Variants in CPED1 observed in about 807,000 individuals in gnomAD.
The protein encoded by CPED1 is cadherin like and PC-esterase domain containing 1.
Under a neutral mutation model 128.2 loss-of-function variants are expected in CPED1, and 114 were observed. The observed-to-expected ratio is 0.89, with a 90% CI of 0.76 to 1.04. CPED1 has a LOEUF of 1.04. CPED1 is among the 50% of genes least tolerant of loss of function. The pLI, the probability that CPED1 is intolerant of heterozygous loss-of-function variation, is 0.00. For missense variants in CPED1, 1,211 were observed against 1,207.1 expected (o/e 1.00, Z -0.05); for synonymous variants, 462 against 426.7 (o/e 1.08, Z -1.02).
intron 7 of CPED1, among the ~76,000 whole-genome samples, chr7:121,118,630 C>T (rs1795311093): frequency 6.6e-6 from 1 of 151,120 alleles, no homozygotes; most frequent in Admixed American, 6.6e-5. Context: ...TTAGGTCATT[C>T]TTGTGTTGCT....
At chr7:120,992,868 G>A (rs1234146941) in intron 2 of CPED1, among the ~76,000 whole-genome samples, 2 of 152,150 alleles carry the variant, frequency 1.3e-5, no homozygotes, top group African/African-American at 2.4e-5. Context: ...TTGATGGTGG[G>A]TGACTTTACC....
Position 120,994,657 on chromosome 7 carries a change from G to GTGTGTGTGTGTGTGTGTGT in CPED1, c.249+4790_249+4791insGTGTGTGTGTGTGTGTTGT, listed in dbSNP as rs148572524. On this transcript the variant is annotated intron_variant, in intron 2 of 22. Coordinates refer to ENST00000310396, the MANE Select transcript of CPED1 (RefSeq NM_024913.5). ...TGTGTGTGTGTGTGTGTGTGTGTGT[G>GTGTGTGTGTGTGTGTGTGT]TGTTGTTGTTGTTGTTACTGATGGA... Among the ~76,000 whole-genome samples, 77 of 149,292 alleles carry GTGTGTGTGTGTGTGTGTGT rather than the reference G, an allele frequency of 5.2e-4. 1 individual carries two copies. The highest frequency in any genetic ancestry group is 1.9e-3 in the African/African-American group (76 of 40,260).
At chr7:121,071,379 T>A (rs1267450592) in intron 5 of CPED1, among the ~76,000 whole-genome samples, 1 of 152,124 alleles carries the variant, frequency 6.6e-6, no homozygotes, top group African/African-American at 2.4e-5. Flanking sequence ...TTGGTAACTT[T>A]AGCTGCCATT....
intron 22 of CPED1, among the ~76,000 whole-genome samples, chr7:121,279,448 C>A (rs1792403902): frequency 6.8e-6 from 1 of 147,932 alleles, no homozygotes; most frequent in South Asian, 2.2e-4. Context: ...ACTCACTCCC[C>A]ACCCCCCGCC....
chr7:121,186,983 G>A (rs141409625), intron 16 of CPED1, among the ~76,000 whole-genome samples: 1 of 152,226 alleles, frequency 6.6e-6, no homozygotes, highest in East Asian at 1.9e-4. Flanking sequence ...GCCAAACCTG[G>A]GCCTGCCCCT....
intron 20 of CPED1, 109 bp from the exon 21 acceptor site, chr7:121,267,106 C>A (rs1792141999): frequency 1.5e-6 from 1 of 682,876 alleles, no homozygotes; most frequent in Non-Finnish European, 2.5e-6. Context: ...GTCTTTTATG[C>A]CAATTATCAC....
At chr7:121,013,969 G>T (rs1792228148) in intron 2 of CPED1, among the ~76,000 whole-genome samples, 1 of 152,194 alleles carries the variant, frequency 6.6e-6, no homozygotes, top group Admixed American at 6.5e-5. Context: ...ATGCAGGCCT[G>T]GCTGTTAAAG....
chr7:121,168,033 C>G (rs1796573127), intron 16 of CPED1, among the ~76,000 whole-genome samples: 2 of 152,126 alleles, frequency 1.3e-5, no homozygotes, highest in South Asian at 4.1e-4. Context: ...GCTCCTGACC[C>G]AAAAGTCTAT....
intron 5 of CPED1, among the ~76,000 whole-genome samples, chr7:121,082,878 T>C (rs1218280646): frequency 6.6e-6 from 1 of 152,248 alleles, no homozygotes; most frequent in South Asian, 2.1e-4. Flanking sequence ...AATGAGAAAC[T>C]GAATTTACCT....
At chr7:121,068,352 C>T in intron 5 of CPED1, among the ~76,000 whole-genome samples, 1 of 152,150 alleles carries the variant, frequency 6.6e-6, no homozygotes. Flanking sequence ...GTTTTCCCAG[C>T]ACCATCTATT....
chr7:121,038,114 T>C (rs2013087), intron 3 of CPED1, among the ~76,000 whole-genome samples: 121,651 of 152,110 alleles, frequency 0.8, 48,940 homozygotes, highest in East Asian at 0.94. Context: ...CTTTGCCAAT[T>C]TGGGTGCCCT....
chr7:121,098,350 T>C (rs1174496702), intron 6 of CPED1, among the ~76,000 whole-genome samples: 10 of 152,176 alleles, frequency 6.6e-5, no homozygotes, highest in Non-Finnish European at 8.8e-5. Flanking sequence ...GTTTGCCTCA[T>C]CTAATTTTAT....
chr7:121,149,291 G>T (rs1040803404), intron 16 of CPED1, among the ~76,000 whole-genome samples: 1 of 152,120 alleles, frequency 6.6e-6, no homozygotes, highest in Non-Finnish European at 1.5e-5. Context: ...CACATCCAAG[G>T]CTTGGGAGGT....
intron 18 of CPED1, among the ~76,000 whole-genome samples, chr7:121,264,941 T>C (rs1049301494): frequency 6.6e-6 from 1 of 152,022 alleles, no homozygotes; most frequent in Admixed American, 6.6e-5. Flanking sequence ...AGAAAAAAGA[T>C]GCAGACACAA....
intron 3 of CPED1, among the ~76,000 whole-genome samples, chr7:121,028,108 T>C (rs1293277560): frequency 6.6e-6 from 1 of 152,168 alleles, no homozygotes; most frequent in Admixed American, 6.5e-5. Context: ...AAATTTGGCA[T>C]GCGTCAGTGT....
At chr7:121,041,398 A>G (rs1204120463) in intron 3 of CPED1, among the ~76,000 whole-genome samples, 4 of 152,058 alleles carry the variant, frequency 2.6e-5, no homozygotes, top group African/African-American at 7.2e-5. Context: ...ATATATATAT[A>G]TAATCTGTGA....
chr7:121,192,827 C>T (rs1797175626), intron 16 of CPED1, among the ~76,000 whole-genome samples: 1 of 152,024 alleles, frequency 6.6e-6, no homozygotes, highest in African/African-American at 2.4e-5. Context: ...ACTCTTATAT[C>T]AAAATTTTAA....
At chr7:121,268,132 A>G (rs1303037562) in intron 21 of CPED1, among the ~76,000 whole-genome samples, 1 of 152,198 alleles carries the variant, frequency 6.6e-6, no homozygotes, top group East Asian at 1.9e-4. Flanking sequence ...TGGGAGAGCC[A>G]AAGGGTTTAA....
intron 7 of CPED1, 25 bp from the exon 8 acceptor site, chr7:121,124,306 C>A (rs200112614): frequency 6.3e-7 from 1 of 1,583,622 alleles, no homozygotes. Context: ...TGTTTTAACA[C>A]GTGAATCCTT....
Sources: gnomAD v4.1 joint callset for allele counts (sites outside exome capture counted in the v4.1 genomes callset) on GRCh38, gnomAD v4.1.1 for gene constraint, MANE v1.5 for transcripts, NCBI Gene and HGNC (gene_info 2026-07-23, HGNC 2026-07-21) for gene names.